Variants in MECOM observed in about 807,000 individuals in gnomAD.
MECOM encodes histone-lysine N-methyltransferase MECOM.
Under a neutral mutation model 116.3 loss-of-function variants are expected in MECOM, and 13 were observed. That is an observed-to-expected ratio of 0.11 (90% CI 0.07 to 0.18). The LOEUF is 0.18. Among genes scored for constraint, MECOM ranks in the 10% least tolerant of loss-of-function variants. MECOM has a pLI of 1.00. For missense variants in MECOM, 1,299 were observed against 1,509.0 expected (o/e 0.86, Z 2.31); for synonymous variants, 528 against 535.2 (o/e 0.99, Z 0.19).
chr3:169,533,370 A>G (rs962896877), intron 1 of MECOM, among the ~76,000 whole-genome samples: 3 of 152,050 alleles, frequency 2.0e-5, no homozygotes, highest in Admixed American at 2.0e-4. Context: ...TATGGTGGGG[A>G]CTGTTGACGG....
intron 1 of MECOM, among the ~76,000 whole-genome samples, chr3:169,593,561 C>T (rs1231074528): frequency 6.6e-6 from 1 of 152,152 alleles, no homozygotes; most frequent in Admixed American, 6.5e-5. Context: ...TTCCTCAATG[C>T]TATCTGAGAG....
chr3:169,324,241 G>A (rs1577716039), intron 2 of MECOM, among the ~76,000 whole-genome samples: 1 of 152,156 alleles, frequency 6.6e-6, no homozygotes, highest in African/African-American at 2.4e-5. Flanking sequence ...GGGTATTATT[G>A]TCCCCAGTTT....
intron 1 of MECOM, among the ~76,000 whole-genome samples, chr3:169,652,299 G>A (rs1775019192): frequency 2.0e-5 from 3 of 152,076 alleles, no homozygotes; most frequent in Admixed American, 2.0e-4. Flanking sequence ...CCCTCCATTC[G>A]TTTTTATTAT....
At chr3:169,122,220 T>C (rs540905335) in intron 6 of MECOM, among the ~76,000 whole-genome samples, 5 of 152,280 alleles carry the variant, frequency 3.3e-5, no homozygotes, top group African/African-American at 7.2e-5. Flanking sequence ...TCCTCACAAA[T>C]TGCTATTAAA....
At chr3:169,226,069 C>T (rs1752692828) in intron 2 of MECOM, among the ~76,000 whole-genome samples, 1 of 152,316 alleles carries the variant, frequency 6.6e-6, no homozygotes, top group East Asian at 1.9e-4. Context: ...TTTAACTTAA[C>T]AAATAATTTC....
At chr3:169,571,043 G>A (rs1387786746) in intron 1 of MECOM, among the ~76,000 whole-genome samples, 1 of 152,148 alleles carries the variant, frequency 6.6e-6, no homozygotes, top group Non-Finnish European at 1.5e-5. Context: ...AAAAAAGGAA[G>A]TCAAATGGTC....
At chr3:169,162,622 A>G (rs745653995) in intron 2 of MECOM, among the ~76,000 whole-genome samples, 4 of 152,162 alleles carry the variant, frequency 2.6e-5, no homozygotes, top group Non-Finnish European at 5.9e-5. Flanking sequence ...AACCCAGCAT[A>G]CTATTGTTCA....
intron 1 of MECOM, among the ~76,000 whole-genome samples, chr3:169,430,084 A>C (rs1741364299): frequency 6.6e-6 from 1 of 152,210 alleles, no homozygotes; most frequent in Non-Finnish European, 1.5e-5. Context: ...CCCTGGTAAG[A>C]TTCTACTTTG....
At chr3:169,114,719 A>C (rs1408807511) in intron 8 of MECOM, among the ~76,000 whole-genome samples, 2 of 152,196 alleles carry the variant, frequency 1.3e-5, no homozygotes, top group Non-Finnish European at 2.9e-5. Context: ...GGTCAGGTGA[A>C]TATTACTGAA....
intron 2 of MECOM, among the ~76,000 whole-genome samples, chr3:169,301,265 T>C (rs1001875470): frequency 3.3e-5 from 5 of 152,236 alleles, no homozygotes; most frequent in Admixed American, 3.3e-4. Flanking sequence ...CAAAACATTT[T>C]CCTCTCCTTC....
chr3:169,443,347 G>A (rs888449555), intron 1 of MECOM, among the ~76,000 whole-genome samples: 9 of 151,964 alleles, frequency 5.9e-5, no homozygotes, highest in African/African-American at 1.7e-4. Context: ...TGTTTAAGGC[G>A]CTGCACTACT....
At chr3:169,433,677 GAAA>G in intron 1 of MECOM, among the ~76,000 whole-genome samples, 1 of 144,392 alleles carries the variant, frequency 6.9e-6, no homozygotes, top group African/African-American at 2.5e-5. Flanking sequence ...AAGAAAGAAA[GAAA>G]GAAAGAAAGA....
chr3:169,401,066 C>T (rs1294763029), intron 1 of MECOM, among the ~76,000 whole-genome samples: 4 of 152,172 alleles, frequency 2.6e-5, no homozygotes, highest in African/African-American at 7.2e-5. Context: ...AAAGCACTTC[C>T]TGCAGCTAAT....
intron 1 of MECOM, among the ~76,000 whole-genome samples, chr3:169,629,044 G>A (rs1032550427): frequency 1.3e-5 from 2 of 151,422 alleles, no homozygotes; most frequent in African/African-American, 2.4e-5. Flanking sequence ...AGAACTCAAA[G>A]CACTTAATCA....
intron 3 of MECOM, chr3:169,133,856 C>G: frequency 8.7e-7 from 1 of 1,154,818 alleles, no homozygotes; most frequent in Non-Finnish European, 1.2e-6. Context: ...CTGTTTCATT[C>G]TGGAGTTCTA....
intron 1 of MECOM, among the ~76,000 whole-genome samples, chr3:169,503,778 A>G (rs1348897781): frequency 1.3e-5 from 2 of 152,074 alleles, no homozygotes; most frequent in Admixed American, 6.6e-5. Flanking sequence ...ATCAAAGCAT[A>G]TTTTTTCCAT....
At chr3:169,659,440 ATTTTTTTTTTTT>A (rs56270349) in intron 1 of MECOM, among the ~76,000 whole-genome samples, 1,294 of 62,178 alleles carry the variant, frequency 0.021, 22 homozygotes, top group African/African-American at 0.068. Context: ...CTAAACACAG[ATTTTTTTTTTTT>A]TTTTTTTTTT....
At chr3:169,161,116 T>G (rs762412423) in intron 2 of MECOM, among the ~76,000 whole-genome samples, 1 of 152,210 alleles carries the variant, frequency 6.6e-6, no homozygotes, top group Non-Finnish European at 1.5e-5. Flanking sequence ...TGACATTTAG[T>G]GTACATTGAT....
At chr3:169,291,628 A>G (rs989506718) in intron 2 of MECOM, among the ~76,000 whole-genome samples, 13 of 152,186 alleles carry the variant, frequency 8.5e-5, no homozygotes, top group Admixed American at 7.9e-4. Flanking sequence ...CTAAAAGACA[A>G]GTTAATTAAC....
Sources: gnomAD v4.1 joint callset for allele counts (sites outside exome capture counted in the v4.1 genomes callset) on GRCh38, gnomAD v4.1.1 for gene constraint, MANE v1.5 for transcripts, NCBI Gene and HGNC (gene_info 2026-07-23, HGNC 2026-07-21) for gene names.